C11orf65: variants seen among roughly 807,000 people sequenced by gnomAD.
C11orf65 encodes the protein chromosome 11 open reading frame 65, also known as protein MFI.
In C11orf65, 38 loss-of-function variants were observed where a neutral mutation model predicts 35.3. That is an observed-to-expected ratio of 1.08 (90% confidence interval 0.83 to 1.41). The LOEUF (loss-of-function observed/expected upper bound fraction) is 1.41. Among genes scored for constraint, C11orf65 ranks in the 40% most tolerant of loss-of-function variants. The pLI is 0.00. For synonymous variants in C11orf65, 105 were observed against 114.4 expected (o/e 0.92, Z 0.53); for missense variants, 370 against 367.1 (o/e 1.01, Z -0.06).
chr11:108,381,092 T>C (rs551906230), downstream of C11orf65, among the ~76,000 whole-genome samples: 38 of 152,286 alleles, frequency 2.5e-4, no homozygotes, highest in African/African-American at 8.4e-4. Flanking sequence ...TGCAGCTAGG[T>C]TGGAGCATTT....
At chr11:108,365,250 A>G (rs938336710) in intron 2 of C11orf65, 3 of 1,614,196 alleles carry the variant, frequency 1.9e-6, no homozygotes, top group Non-Finnish European at 2.5e-6. Flanking sequence ...TCCTGTTGTC[A>G]GTTTTTCAGA....
chr11:108,318,748 G>A (rs2084966461), intron 6 of C11orf65, among the ~76,000 whole-genome samples: 1 of 151,794 alleles, frequency 6.6e-6, no homozygotes, highest in East Asian at 1.9e-4. Context: ...CTGTATATAA[G>A]GTCACCATGT....
chr11:108,321,549 G>A, intron 6 of C11orf65: 2 of 1,331,668 alleles, frequency 1.5e-6, no homozygotes, highest in East Asian at 4.8e-5. Context: ...TTAGAAGGCT[G>A]AAGTGGGTGG....
At chr11:108,464,115 C>A (rs2093504240) in intron 1 of C11orf65, among the ~76,000 whole-genome samples, 1 of 151,558 alleles carries the variant, frequency 6.6e-6, no homozygotes, top group Non-Finnish European at 1.5e-5. Context: ...TTAGTAGAGA[C>A]AGAGTTTCAC....
At chr11:108,317,579 CTG>C in intron 6 of C11orf65, 1 of 1,438,296 alleles carries the variant, frequency 7.0e-7, no homozygotes, top group East Asian at 2.8e-5. Flanking sequence ...TAAACAACAA[CTG>C]TTTTTCTCTT....
intron 7 of C11orf65, among the ~76,000 whole-genome samples, chr11:108,386,905 C>G (rs1332495848): frequency 1.3e-5 from 2 of 151,792 alleles, no homozygotes; most frequent in Non-Finnish European, 2.9e-5. Flanking sequence ...CACGGTGAAA[C>G]CCCATCTCTA....
At chr11:108,342,665 T>C (rs1342172315) in intron 2 of C11orf65, among the ~76,000 whole-genome samples, 1 of 152,220 alleles carries the variant, frequency 6.6e-6, no homozygotes, top group Non-Finnish European at 1.5e-5. Flanking sequence ...AATATCATTT[T>C]CTATACTTTA....
rs768241804 is a variant in C11orf65, at chr11:108,365,528, C to T, written c.226+27680G>A. The T allele has an allele frequency of 1.9e-6, 3 of 1,612,170 alleles. No homozygotes were observed. In the African/African-American group the frequency reaches 4.0e-5, roughly 22 times the overall value. The stretch of plus-strand genomic sequence containing the variant: ...GTGTGATCTTCAGTATATGAATTAC[C>T]CTTTCATTCAGCCTTTAGAAATTAT... On this transcript the variant is annotated intron_variant, in intron 2 of 3. Coordinates refer to the C11orf65 transcript ENST00000524755.
At chr11:108,336,594 T>G (rs1266792384) in intron 2 of C11orf65, among the ~76,000 whole-genome samples, 3 of 152,242 alleles carry the variant, frequency 2.0e-5, no homozygotes, top group African/African-American at 7.2e-5. Context: ...TTCAGTCTTT[T>G]GCTGCTACAA....
exon 7 of C11orf65, chr11:108,308,624 C>CTAT: frequency 4.8e-6 from 1 of 207,186 alleles, no homozygotes; most frequent in Middle Eastern, 2.2e-3. Context: ...TGTAGTAGGC[C>CTAT]TATAATTTGA....
At chr11:108,416,474 G>A (rs1349025647) in intron 3 of C11orf65, among the ~76,000 whole-genome samples, 4 of 152,110 alleles carry the variant, frequency 2.6e-5, no homozygotes, top group Non-Finnish European at 4.4e-5. Flanking sequence ...TTGAGGTCAG[G>A]AGTTTGAGAC....
At chr11:108,318,586 A>T (rs1158324579) in intron 6 of C11orf65, among the ~76,000 whole-genome samples, 1 of 151,596 alleles carries the variant, frequency 6.6e-6, no homozygotes, top group East Asian at 2.0e-4. Context: ...GCTACTCGGG[A>T]GGCTGAGGCA....
At chr11:108,374,388 G>A (rs192751598) in intron 2 of C11orf65, among the ~76,000 whole-genome samples, 44 of 152,270 alleles carry the variant, frequency 2.9e-4, no homozygotes, top group Non-Finnish European at 5.4e-4. Context: ...GGTCTGGAGT[G>A]GACCTCTAGC....
intron 3 of C11orf65, among the ~76,000 whole-genome samples, chr11:108,422,531 A>G (rs2092834573): frequency 6.6e-6 from 1 of 152,202 alleles, no homozygotes; most frequent in South Asian, 2.1e-4. Context: ...CAGTAGGGAC[A>G]GGATAGTATT....
At chr11:108,462,198 G>A (rs1484379108) in intron 1 of C11orf65, among the ~76,000 whole-genome samples, 2 of 151,866 alleles carry the variant, frequency 1.3e-5, no homozygotes, top group African/African-American at 2.4e-5. Flanking sequence ...CACATGCTAC[G>A]ATGCCTAGCT....
intron 3 of C11orf65, among the ~76,000 whole-genome samples, chr11:108,415,931 A>T (rs929470830): frequency 6.6e-6 from 1 of 152,176 alleles, no homozygotes; most frequent in African/African-American, 2.4e-5. Context: ...AGAAAAAAAA[A>T]ATCTAGACAA....
chr11:108,346,687 C>T (rs1175508568), intron 2 of C11orf65: 1 of 154,928 alleles, frequency 6.5e-6, no homozygotes, highest in Non-Finnish European at 1.4e-5. Context: ...CAGAGCAAGC[C>T]AGACACCCAG....
chr11:108,378,572 C>A (rs1329422891), downstream of C11orf65, among the ~76,000 whole-genome samples: 8 of 127,222 alleles, frequency 6.3e-5, no homozygotes, highest in Non-Finnish European at 1.1e-4. Flanking sequence ...TAGGCATGGG[C>A]AAGGACTTCA....
At chr11:108,313,109 TCTC>T (rs2136075259) in intron 6 of C11orf65, among the ~76,000 whole-genome samples, 1 of 152,192 alleles carries the variant, frequency 6.6e-6, no homozygotes, top group East Asian at 1.9e-4. Context: ...TCTCCTGGCA[TCTC>T]CTCCTTTAAT....
Sources: gnomAD v4.1 joint callset for allele counts (sites outside exome capture counted in the v4.1 genomes callset) on GRCh38, gnomAD v4.1.1 for gene constraint, MANE v1.5 for transcripts, NCBI Gene and HGNC (gene_info 2026-07-23, HGNC 2026-07-21) for gene names.